Variants in CDYL observed in about 807,000 individuals in gnomAD.
The protein encoded by CDYL is chromodomain Y-like protein.
CDYL carries 8 observed loss-of-function variants against 47.3 expected under a neutral mutation model. The observed-to-expected ratio is 0.17, with a 90% CI of 0.10 to 0.31. CDYL has a LOEUF of 0.31. CDYL is among the 10% of genes least tolerant of loss of function. The probability of loss-of-function intolerance (pLI) is 1.00; values close to 1 mark genes in which losing one functional copy is unlikely to be tolerated. For missense variants in CDYL, 471 were observed against 701.4 expected (o/e 0.67, Z 3.71); for synonymous variants, 266 against 265.0 (o/e 1.00, Z -0.04).
At chr6:4,923,436 G>A (rs1420628378) in intron 2 of CDYL, among the ~76,000 whole-genome samples, 1 of 152,152 alleles carries the variant, frequency 6.6e-6, no homozygotes, top group African/African-American at 2.4e-5. Context: ...TCCATTGTGT[G>A]TATATACCAA....
intron 1 of CDYL, among the ~76,000 whole-genome samples, chr6:4,872,123 G>T (rs1054395506): frequency 2.6e-5 from 4 of 152,156 alleles, no homozygotes; most frequent in African/African-American, 9.7e-5. Flanking sequence ...TTTCACTCTG[G>T]AGTGGATTTT....
At chr6:4,788,247 C>T (rs1011005033) in intron 1 of CDYL, among the ~76,000 whole-genome samples, 13 of 151,750 alleles carry the variant, frequency 8.6e-5, no homozygotes, top group African/African-American at 1.9e-4. Context: ...CCCAGAACTT[C>T]GGGAGGCCAA....
intron 1 of CDYL, among the ~76,000 whole-genome samples, chr6:4,713,250 GCTT>G (rs1405792736): frequency 1.3e-5 from 2 of 152,154 alleles, no homozygotes. Flanking sequence ...TGGATCTCGT[GCTT>G]CTCTGCTCTA....
chr6:4,896,651 G>A (rs1047704211), intron 2 of CDYL, among the ~76,000 whole-genome samples: 5 of 152,190 alleles, frequency 3.3e-5, no homozygotes, highest in East Asian at 1.9e-4. Flanking sequence ...AGGAGAAGCC[G>A]CGCTGAAGCT....
In CDYL at chr6:4,878,236, T is replaced by G. The variant is rs558422375; in HGVS notation, c.25-13477T>G. On this transcript the variant is annotated intron_variant, in intron 1 of 6. Transcript: ENST00000397588. ...TTTTTATCTACCTCTTTTTTTAAGATTATGTTGGCTTCATAAAGCAAAGTA... is the reference window on the plus strand; with the variant it reads ...TTTTTATCTACCTCTTTTTTTAAGAGTATGTTGGCTTCATAAAGCAAAGTA... 2.0e-5 allele frequency among the ~76,000 whole-genome samples: 3 copies of G among 152,194 alleles called. No individual in the cohort carries two copies. In the South Asian group the frequency reaches 6.2e-4, roughly 32 times the overall value.
At chr6:4,921,997 G>A (rs557174263) in intron 2 of CDYL, among the ~76,000 whole-genome samples, 5 of 152,094 alleles carry the variant, frequency 3.3e-5, no homozygotes, top group African/African-American at 9.7e-5. Flanking sequence ...CGTTTTTCAC[G>A]TAGGTACCGT....
At chr6:4,707,931 A>C (rs116312148) in intron 1 of CDYL, among the ~76,000 whole-genome samples, 4,064 of 152,204 alleles carry the variant, frequency 0.027, 65 homozygotes, top group Middle Eastern at 0.051. Context: ...AATGTTATTT[A>C]ATAGTGTGCT....
At chr6:4,776,191 G>A (rs1168548487), upstream of CDYL, among the ~76,000 whole-genome samples, 6 of 65,442 alleles carry the variant, frequency 9.2e-5, no homozygotes, top group African/African-American at 3.5e-4. Flanking sequence ...GCCCCCGACT[G>A]CCCCGCTCCT....
intron 2 of CDYL, among the ~76,000 whole-genome samples, chr6:4,911,323 G>A (rs1333271745): frequency 6.6e-6 from 1 of 152,234 alleles, no homozygotes; most frequent in African/African-American, 2.4e-5. Context: ...TCAGCTGTCT[G>A]GTGGCATGTG....
intron 1 of CDYL, among the ~76,000 whole-genome samples, chr6:4,862,763 A>G (rs951194029): frequency 1.3e-5 from 2 of 152,210 alleles, no homozygotes; most frequent in Non-Finnish European, 2.9e-5. Flanking sequence ...GTAATTTTCC[A>G]GGTGGTCCAC....
chr6:4,895,725 G>T (rs965115860), intron 2 of CDYL, among the ~76,000 whole-genome samples: 3 of 152,054 alleles, frequency 2.0e-5, no homozygotes, highest in African/African-American at 7.2e-5. Flanking sequence ...AAAATGAACT[G>T]CAGCCCTCGC....
chr6:4,814,636 G>A (rs771654213), intron 1 of CDYL, among the ~76,000 whole-genome samples: 2 of 152,000 alleles, frequency 1.3e-5, no homozygotes, highest in African/African-American at 2.4e-5. Flanking sequence ...AGCAATTCTC[G>A]TGCCCCAGCC....
At position 4,823,263 on chromosome 6, in the gene CDYL, C is replaced by T. The variant is rs1581190650; in HGVS notation, c.24+46456C>T. Among the ~76,000 whole-genome samples the T allele has an allele frequency of 2.6e-5, 4 of 152,148 alleles. No individual in the cohort carries two copies. The South Asian group carries it at 8.3e-4, about 31-fold the overall frequency. Reference sequence around the variant, plus strand: ...TCCATGATGGGTTCAACACAAAGAACAAATATTCAGAGAACAGTCCCAATT... The same window carrying T: ...TCCATGATGGGTTCAACACAAAGAATAAATATTCAGAGAACAGTCCCAATT... On this transcript the variant is annotated intron_variant, in intron 1 of 6. Transcript: ENST00000397588.
At chr6:4,916,773 A>G (rs951847424) in intron 2 of CDYL, among the ~76,000 whole-genome samples, 1 of 152,122 alleles carries the variant, frequency 6.6e-6, no homozygotes, top group Non-Finnish European at 1.5e-5. Context: ...AAATAAAATC[A>G]CATATTTCCA....
chr6:4,888,981 A>G (rs936623578), intron 1 of CDYL, among the ~76,000 whole-genome samples: 2 of 152,228 alleles, frequency 1.3e-5, no homozygotes, highest in African/African-American at 2.4e-5. Context: ...TACTGAGCTT[A>G]TCTTAAGACT....
chr6:4,906,520 A>G (rs947488339), intron 2 of CDYL, among the ~76,000 whole-genome samples: 62 of 152,350 alleles, frequency 4.1e-4, no homozygotes, highest in African/African-American at 1.4e-3. Flanking sequence ...AGGACCACAC[A>G]GCCCAGACCA....
Position 4,937,561 on chromosome 6 carries a change from T to G in CDYL, c.949-4T>G. The stretch of plus-strand genomic sequence containing the variant: ...TTGCCACTTTAACTTCTGGTGACTT[T>G]CAGGTAATGAGAGAAGTCCAGAGTG... On this transcript the variant is annotated splice_polypyrimidine_tract_variant and splice_region_variant and intron_variant, in intron 3 of 6. Transcript: ENST00000397588. 6.5e-7 allele frequency: 1 copy of G among 1,527,654 alleles called. No individual in the cohort carries two copies. Among genetic ancestry groups the G allele is most frequent in the Non-Finnish European group, 8.8e-7 (1 of 1,138,832 alleles). 94.6% of individuals were successfully genotyped at this position (1,527,654 alleles called of 1,614,324 possible).
chr6:4,905,297 A>G (rs565229844), intron 2 of CDYL, among the ~76,000 whole-genome samples: 2 of 152,280 alleles, frequency 1.3e-5, no homozygotes, highest in South Asian at 4.2e-4. Flanking sequence ...GACTGTGTTC[A>G]TTGGTCTTTG....
intron 1 of CDYL, among the ~76,000 whole-genome samples, chr6:4,870,383 T>G (rs1227366430): frequency 6.6e-6 from 1 of 152,230 alleles, no homozygotes; most frequent in East Asian, 1.9e-4. Context: ...TATTTGTATA[T>G]ATTTTTATTC....
Sources: allele counts gnomAD v4.1 joint callset (sites outside exome capture counted in the v4.1 genomes callset), GRCh38; gene constraint gnomAD v4.1.1; transcripts MANE v1.5; gene names NCBI Gene and HGNC (gene_info 2026-07-23, HGNC 2026-07-21).